SLC7A6: variants seen among roughly 807,000 people sequenced by gnomAD.
SLC7A6 encodes solute carrier family 7 member 6.
Under a neutral mutation model 46.6 loss-of-function variants are expected in SLC7A6, and 29 were observed. The ratio of observed to expected loss-of-function variants is 0.62; its 90% CI spans 0.46 to 0.85. SLC7A6 has a LOEUF of 0.85. Among genes scored for constraint, SLC7A6 ranks in the 40% least tolerant of loss-of-function variants. The pLI is 0.00. For missense variants in SLC7A6, 527 were observed against 647.6 expected (o/e 0.81, Z 2.02); for synonymous variants, 276 against 257.3 (o/e 1.07, Z -0.70).
Position 68,275,077 on chromosome 16 carries a change from G to T in SLC7A6, c.351G>T (p.Glu117Asp). 6.2e-7 allele frequency: 1 copy of T among 1,614,150 alleles called. No homozygotes were observed. The highest frequency in any genetic ancestry group is 8.5e-7 in the Non-Finnish European group (1 of 1,180,030). ...KSGASYAYIL[E>D]AFGGFIAFIR... ...GAGCCAGCTACGCTTATATTCTAGA[G>T]GCCTTTGGGGGCTTCATTGCCTTCA... Residue 117 changes from glutamate to aspartate, a missense_variant, in exon 3 of 11, where the codon GAG becomes GAT. Physicochemically the swap from Glu to Asp is conservative, Grantham distance 45. Transcript: ENST00000219343.
intron 3 of SLC7A6, among the ~76,000 whole-genome samples, chr16:68,278,003 G>A (rs188338457): frequency 4.0e-4 from 60 of 150,710 alleles, no homozygotes; most frequent in African/African-American, 1.3e-3. Flanking sequence ...ACAGTGGCTC[G>A]ATCTCTGCTC....
rs1302574849 is a variant in SLC7A6 at position 68,300,812 on chromosome 16, T to C, written c.*3484T>C. On this transcript the variant is annotated 3_prime_UTR_variant, in exon 11 of 11. Coordinates refer to ENST00000219343, the MANE Select transcript of SLC7A6 (RefSeq NM_003983.6). ...AATGGCCATTACTATCCAGTCTGTA[T>C]TGCTACAAGGGACCCACTGGTACCC... The C allele has an allele frequency of 4.1e-6, 4 of 985,922 alleles. No individual in the cohort carries two copies. Among genetic ancestry groups the C allele is most frequent in the African/African-American group, 3.5e-5 (2 of 57,234 alleles). The allele number at this position is 985,922 out of a possible 1,614,324, so 61.1% of individuals were successfully genotyped here.
At chr16:68,275,557 T>C (rs980884281) in intron 3 of SLC7A6, among the ~76,000 whole-genome samples, 1 of 143,048 alleles carries the variant, frequency 7.0e-6, no homozygotes, top group East Asian at 2.1e-4. Flanking sequence ...ATCATGCCAT[T>C]GTACTCCAGC....
At chr16:68,281,744 G>T (rs2042832869) in intron 3 of SLC7A6, among the ~76,000 whole-genome samples, 1 of 152,222 alleles carries the variant, frequency 6.6e-6, no homozygotes, top group South Asian at 2.1e-4. Context: ...ACTGCAGAAG[G>T]GTGGTGTTTC....
chr16:68,280,449 T>C (rs1042338646), intron 3 of SLC7A6, among the ~76,000 whole-genome samples: 4 of 152,316 alleles, frequency 2.6e-5, no homozygotes, highest in African/African-American at 9.6e-5. Flanking sequence ...TGTGGTGTTG[T>C]AAATAATTTT....
intron 7 of SLC7A6, chr16:68,292,228 C>T (rs78174651): frequency 0.033 from 5,002 of 153,088 alleles, 260 homozygotes; most frequent in African/African-American, 0.11. Flanking sequence ...CAGAAAATGC[C>T]GAGGCCATCA....
chr16:68,273,992 C>A (rs960878904), intron 2 of SLC7A6: 1 of 152,264 alleles, frequency 6.6e-6, no homozygotes, highest in African/African-American at 2.4e-5. Flanking sequence ...GATCTCCTGA[C>A]CTTGTGGTCC....
At chr16:68,274,449 T>C (rs1351103473) in intron 2 of SLC7A6, among the ~76,000 whole-genome samples, 2 of 152,184 alleles carry the variant, frequency 1.3e-5, no homozygotes, top group African/African-American at 4.8e-5. Context: ...AGGACAGGTA[T>C]TTGTCATCAG....
At chr16:68,293,931 CTT>C (rs1277294122) in intron 7 of SLC7A6, among the ~76,000 whole-genome samples, 2 of 152,092 alleles carry the variant, frequency 1.3e-5, no homozygotes, top group Non-Finnish European at 1.5e-5. Flanking sequence ...GAGTTTTACT[CTT>C]GTTGCCCAGG....
intron 3 of SLC7A6, among the ~76,000 whole-genome samples, chr16:68,279,273 T>G (rs2042786209): frequency 6.6e-6 from 1 of 152,042 alleles, no homozygotes; most frequent in Non-Finnish European, 1.5e-5. Flanking sequence ...GCCCAGAAAT[T>G]CAAGGTTGCA....
chr16:68,279,926 C>G (rs1336105697), intron 3 of SLC7A6, among the ~76,000 whole-genome samples: 1 of 152,198 alleles, frequency 6.6e-6, no homozygotes, highest in Non-Finnish European at 1.5e-5. Flanking sequence ...GAAGCACTGG[C>G]TTTTCCAGAA....
intron 3 of SLC7A6, among the ~76,000 whole-genome samples, chr16:68,282,398 G>T (rs2042844742): frequency 6.6e-6 from 1 of 151,932 alleles, no homozygotes; most frequent in African/African-American, 2.4e-5. Flanking sequence ...GCAAGAACTC[G>T]TCTCTTAAAA....
rs1247297565 is a variant in SLC7A6 at position 68,298,908 on chromosome 16, C to A, written c.*1580C>A. ...CTTATCCTTAGGTTTTGGAATTGGT[C>A]AACAGTGAGGCAGTCTCCCTTCCTG... On this transcript the variant is annotated 3_prime_UTR_variant, in exon 11 of 11. Transcript: ENST00000219343. The A allele has an allele frequency of 1.3e-5, 2 of 152,594 alleles. No individual in the cohort carries two copies. Among genetic ancestry groups the A allele is most frequent in the Non-Finnish European group, 2.9e-5 (2 of 68,042 alleles). 9.5% of individuals were successfully genotyped at this position (152,594 alleles called of 1,614,324 possible). A position where few individuals can be genotyped will look rare whatever the true frequency, so the allele number is the denominator to read the frequency against.
chr16:68,297,100 AG>A, intron 10 of SLC7A6, 133 bp from the exon 11 acceptor site: 1 of 800,432 alleles, frequency 1.2e-6, no homozygotes. Context: ...GTTGGGAGAC[AG>A]GGGCAAAGCC....
intron 3 of SLC7A6, among the ~76,000 whole-genome samples, chr16:68,286,391 A>G (rs941149676): frequency 6.6e-6 from 1 of 152,134 alleles, no homozygotes; most frequent in African/African-American, 2.4e-5. Context: ...GCTGTTGGCT[A>G]TGGCAGGAAG....
intron 3 of SLC7A6, among the ~76,000 whole-genome samples, chr16:68,276,815 T>C (rs1346820081): frequency 1.3e-5 from 2 of 152,062 alleles, no homozygotes; most frequent in African/African-American, 2.4e-5. Flanking sequence ...CTGGGCAACA[T>C]GGTGAGACCC....
At chr16:68,277,752 C>T (rs1314820368) in intron 3 of SLC7A6, among the ~76,000 whole-genome samples, 7 of 152,016 alleles carry the variant, frequency 4.6e-5, no homozygotes, top group Non-Finnish European at 7.4e-5. Context: ...CTCAGCCTCC[C>T]GAATAGCTGG....
At chr16:68,272,750 G>A (rs1407751621) in intron 2 of SLC7A6, among the ~76,000 whole-genome samples, 2 of 152,196 alleles carry the variant, frequency 1.3e-5, no homozygotes, top group Admixed American at 1.3e-4. Context: ...CTCCCAGCTA[G>A]AGTCTGATGG....
At chr16:68,292,343 G>A (rs1344552487) in intron 7 of SLC7A6, 3 of 152,104 alleles carry the variant, frequency 2.0e-5, no homozygotes, top group South Asian at 2.1e-4. Flanking sequence ...CTGCTACTTG[G>A]GCTCGGGGTT....
Sources: gnomAD v4.1 joint callset for allele counts (sites outside exome capture counted in the v4.1 genomes callset) on GRCh38, gnomAD v4.1.1 for gene constraint, MANE v1.5 for transcripts, NCBI Gene and HGNC (gene_info 2026-07-23, HGNC 2026-07-21) for gene names.